SCAF8: variants seen among roughly 807,000 people sequenced by gnomAD.
The protein encoded by SCAF8 is SR-related CTD associated factor 8.
SCAF8 carries 23 observed loss-of-function variants against 140.5 expected under a neutral mutation model. That is an observed-to-expected ratio of 0.16 (90% CI 0.12 to 0.23). SCAF8 has a LOEUF of 0.23. SCAF8 is among the 10% of genes least tolerant of loss of function. The pLI, the probability that SCAF8 is intolerant of heterozygous loss-of-function variation, is 1.00. For missense variants in SCAF8, 1,397 were observed against 1,555.7 expected (o/e 0.90, Z 1.72); for synonymous variants, 575 against 528.9 (o/e 1.09, Z -1.20).
Position 154,797,057 on chromosome 6 carries a change from A to G in SCAF8, c.606+1918A>G, listed in dbSNP as rs576468015. On this transcript the variant is annotated intron_variant, in intron 6 of 19. Coordinates refer to ENST00000367178, the MANE Select transcript of SCAF8 (RefSeq NM_014892.5). ...GATTAATTTTCGATAACATTTTTCA[A>G]TTCTTTTTTGGTTATTTGTATTCAC... Among the ~76,000 whole-genome samples the G allele has an allele frequency of 3.2e-3, 490 of 151,946 alleles. 1 individual carries two copies. Among genetic ancestry groups the G allele is most frequent in the Non-Finnish European group, 5.8e-3 (397 of 67,950 alleles).
chr6:154,747,891 C>T (rs891068257), intron 1 of SCAF8, among the ~76,000 whole-genome samples: 29 of 118,564 alleles, frequency 2.4e-4, no homozygotes, highest in African/African-American at 9.1e-4. Flanking sequence ...GTTTACATTT[C>T]ATTTCTGTGT....
At chr6:154,778,663 C>T (rs941202149) in intron 3 of SCAF8, among the ~76,000 whole-genome samples, 1 of 152,028 alleles carries the variant, frequency 6.6e-6, no homozygotes, top group African/African-American at 2.4e-5. Flanking sequence ...ACTTGGGAGG[C>T]TGAGGCACAA....
Position 154,805,357 on chromosome 6 carries a change from T to G in SCAF8, c.864-12T>G, listed in dbSNP as rs1410408814. The G allele has an allele frequency of 6.6e-7, 1 of 1,513,696 alleles. No individual in the cohort carries two copies. The highest frequency in any genetic ancestry group is 9.2e-7 in the Non-Finnish European group (1 of 1,091,590). 93.8% of individuals were successfully genotyped at this position (1,513,696 alleles called of 1,614,324 possible). On this transcript the variant is annotated splice_polypyrimidine_tract_variant and intron_variant, in intron 8 of 19. Coordinates refer to ENST00000367178, the MANE Select transcript of SCAF8 (RefSeq NM_014892.5). ...GGTTTTAAAATATGTTTCCACCTGT[T>G]TTTCCTTTTAGTTCTCACGTTTCAG...
intron 1 of SCAF8, among the ~76,000 whole-genome samples, chr6:154,743,251 A>G (rs1474796597): frequency 1.3e-5 from 2 of 152,226 alleles, no homozygotes; most frequent in Non-Finnish European, 2.9e-5. Flanking sequence ...ATGATTTTTC[A>G]AACAGTGGGA....
At chr6:154,777,756 A>G (rs565152717) in intron 2 of SCAF8, among the ~76,000 whole-genome samples, 12 of 152,330 alleles carry the variant, frequency 7.9e-5, no homozygotes, top group African/African-American at 2.6e-4. Context: ...ATTATTTTAT[A>G]TCTGTGGTAA....
chr6:154,832,885 A>C lies in SCAF8; in HGVS notation c.3306A>C (p.Arg1102Ser), dbSNP rs758405528. The change falls in exon 20 of 20, where the codon AGA becomes AGC. Residue 1102 changes from arginine to serine, a missense_variant. Arg to Ser is a moderately radical substitution (Grantham distance 110). Coordinates refer to ENST00000367178, the MANE Select transcript of SCAF8 (RefSeq NM_014892.5). Reference sequence around the variant, plus strand: ...GGCATAGAGGAGATTTTGATGAGAGAGAGCATCGGGTTCTACCGGTCTATG... The same window carrying C: ...GGCATAGAGGAGATTTTGATGAGAGCGAGCATCGGGTTCTACCGGTCTATG... ...PWGHRGDFDE[R>S]EHRVLPVYGG... 6.2e-7 allele frequency: 1 copy of C among 1,614,068 alleles called. No individual in the cohort carries two copies. The highest frequency in any genetic ancestry group is 8.5e-7 in the Non-Finnish European group (1 of 1,179,996).
intron 3 of SCAF8, among the ~76,000 whole-genome samples, chr6:154,779,025 GT>G (rs1460908891): frequency 1.3e-5 from 2 of 151,842 alleles, no homozygotes; most frequent in East Asian, 1.9e-4. Flanking sequence ...GTTTTGTTTT[GT>G]TTTGGTTTTT....
chr6:154,807,658 C>T (rs888897781), intron 9 of SCAF8, among the ~76,000 whole-genome samples: 10 of 152,212 alleles, frequency 6.6e-5, no homozygotes, highest in East Asian at 1.9e-4. Context: ...GGATTACTGG[C>T]GTGAGCCACT....
At chr6:154,752,995 AGTTTTGTTTTT>A (rs1484778523) in intron 1 of SCAF8, among the ~76,000 whole-genome samples, 1 of 151,652 alleles carries the variant, frequency 6.6e-6, no homozygotes, top group African/African-American at 2.4e-5. Flanking sequence ...AAAGGAGTAC[AGTTTTGTTTTT>A]GTTTTGTTTT....
intron 1 of SCAF8, 56 bp downstream of exon 1, chr6:154,733,986 CGAGGCCGGGGCCCG>C: frequency 6.8e-7 from 1 of 1,472,960 alleles, no homozygotes; most frequent in Non-Finnish European, 9.0e-7. Flanking sequence ...CACCCCTGGT[CGAGGCCGGGGCCCG>C]GAGGGTGGGC....
intron 3 of SCAF8, among the ~76,000 whole-genome samples, chr6:154,781,120 T>G (rs1227402873): frequency 6.6e-6 from 1 of 152,136 alleles, no homozygotes; most frequent in Non-Finnish European, 1.5e-5. Context: ...CTTAAACTGA[T>G]AAGCAACCTC....
rs969987997 is a variant in SCAF8 at position 154,827,837 on chromosome 6, G to A, written c.2140+597G>A. Among the ~76,000 whole-genome samples, 151 of 148,390 alleles carry A rather than the reference G, an allele frequency of 1.0e-3. 8 individuals are homozygous for A. Among genetic ancestry groups the A allele is most frequent in the Middle Eastern group, 7.1e-3 (2 of 282 alleles). ...CCACACCTTTTTTGGGGCGGGGCGG[G>A]GGGGGGGGCGGTGTAAAACTTTATT... On this transcript the variant is annotated intron_variant, in intron 18 of 19. Transcript: ENST00000367178.
intron 1 of SCAF8, among the ~76,000 whole-genome samples, chr6:154,745,235 G>A (rs536799411): frequency 6.6e-6 from 1 of 152,198 alleles, no homozygotes; most frequent in African/African-American, 2.4e-5. Context: ...ATATTGATTT[G>A]CTGCTGCTTC....
intron 1 of SCAF8, among the ~76,000 whole-genome samples, chr6:154,734,759 A>C (rs1161268764): frequency 6.6e-6 from 1 of 152,242 alleles, no homozygotes; most frequent in Non-Finnish European, 1.5e-5. Context: ...AATAGGCCTT[A>C]ATGTAAACAT....
At chr6:154,791,906 G>A (rs1777430801) in intron 4 of SCAF8, among the ~76,000 whole-genome samples, 1 of 152,016 alleles carries the variant, frequency 6.6e-6, no homozygotes, top group Non-Finnish European at 1.5e-5. Flanking sequence ...TATAAAATTG[G>A]ATGCAGTGCT....
intron 12 of SCAF8, among the ~76,000 whole-genome samples, chr6:154,810,468 A>G (rs1778058191): frequency 6.6e-6 from 1 of 152,166 alleles, no homozygotes; most frequent in South Asian, 2.1e-4. Flanking sequence ...TATTGACTGA[A>G]AAAGCAGACT....
chr6:154,757,909 CTTT>C (rs750337401), intron 1 of SCAF8, among the ~76,000 whole-genome samples: 2 of 132,612 alleles, frequency 1.5e-5, no homozygotes, highest in Admixed American at 1.5e-4. Context: ...GTAAGTTTCA[CTTT>C]TTTTTTTTTT....
intron 1 of SCAF8, among the ~76,000 whole-genome samples, chr6:154,753,918 G>C (rs535792258): frequency 1.1e-4 from 17 of 152,114 alleles, no homozygotes; most frequent in Non-Finnish European, 2.1e-4. Flanking sequence ...GCTCACCGTA[G>C]CCTTGAACTC....
chr6:154,734,312 G>C (rs1459685766), intron 1 of SCAF8, among the ~76,000 whole-genome samples: 1 of 152,196 alleles, frequency 6.6e-6, no homozygotes, highest in Non-Finnish European at 1.5e-5. Flanking sequence ...GTGGACGCTG[G>C]ACATGACTCT....
Sources: allele counts gnomAD v4.1 joint callset (sites outside exome capture counted in the v4.1 genomes callset), GRCh38; gene constraint gnomAD v4.1.1; transcripts MANE v1.5; gene names NCBI Gene and HGNC (gene_info 2026-07-23, HGNC 2026-07-21).